Variants in TIAM2 observed in about 807,000 individuals in gnomAD.
The protein encoded by TIAM2 is rho guanine nucleotide exchange factor TIAM2.
TIAM2 carries 80 observed loss-of-function variants against 152.9 expected under a neutral mutation model. The observed-to-expected ratio is 0.52, with a 90% CI of 0.44 to 0.63. The LOEUF (loss-of-function observed/expected upper bound fraction) is 0.63. Among genes scored for constraint, TIAM2 ranks in the 30% least tolerant of loss-of-function variants. TIAM2 has a pLI of 0.00. For missense variants in TIAM2, 1,965 were observed against 2,120.1 expected (o/e 0.93, Z 1.44); for synonymous variants, 804 against 838.0 (o/e 0.96, Z 0.70).
intron 1 of TIAM2, among the ~76,000 whole-genome samples, chr6:155,039,174 T>A (rs1488824903): frequency 6.6e-6 from 1 of 151,702 alleles, no homozygotes; most frequent in Non-Finnish European, 1.5e-5. Context: ...TTGTCAAGGC[T>A]GGTCTTGAAC....
At chr6:155,026,744 G>A (rs1456622710) in intron 1 of TIAM2, among the ~76,000 whole-genome samples, 5 of 152,230 alleles carry the variant, frequency 3.3e-5, no homozygotes, top group Non-Finnish European at 7.3e-5. Flanking sequence ...TGAGGCTTCT[G>A]GTTTGATTGG....
intron 15 of TIAM2, among the ~76,000 whole-genome samples, chr6:155,228,198 C>A (rs191525886): frequency 2.6e-5 from 4 of 152,218 alleles, no homozygotes; most frequent in South Asian, 2.1e-4. Flanking sequence ...GGGATCTCCC[C>A]CTTCGAGTAT....
At chr6:155,064,219 C>T (rs867555705) in intron 1 of TIAM2, among the ~76,000 whole-genome samples, 7 of 152,114 alleles carry the variant, frequency 4.6e-5, no homozygotes, top group Non-Finnish European at 8.8e-5. Flanking sequence ...GATTACCTAC[C>T]AGATTTCCTA....
chr6:155,137,532 C>G lies in TIAM2; in HGVS notation c.1550C>G (p.Pro517Arg), dbSNP rs1465732050. ...VRKAGWLFFK[P>R]LVTVQKERKL... ...AAGGCCGGGTGGCTCTTCTTCAAGC[C>G]CCTGGTCACTGTGCAGAAGGAAAGG... The change falls in exon 5 of 27, where the codon CCC (proline) becomes CGC (arginine). Residue 517 changes from proline to arginine, a missense_variant. This residue lies in a region of TIAM2 where 1,025 missense variants were observed against 1,119.4 expected (regional missense o/e 0.92). Coordinates refer to ENST00000682666, the MANE Select transcript of TIAM2 (RefSeq NM_012454.4). 6.2e-7 allele frequency: 1 copy of G among 1,613,848 alleles called. No individual in the cohort carries two copies. The highest frequency in any genetic ancestry group is 8.5e-7 in the Non-Finnish European group (1 of 1,180,018).
chr6:154,999,923 C>T (rs1378481761), intron 1 of TIAM2, among the ~76,000 whole-genome samples: 2 of 150,878 alleles, frequency 1.3e-5, no homozygotes, highest in Non-Finnish European at 1.5e-5. Context: ...GTGATCCGCC[C>T]GCCTCGGCCT....
intron 2 of TIAM2, among the ~76,000 whole-genome samples, chr6:155,124,545 G>C (rs1282991047): frequency 6.6e-6 from 1 of 151,836 alleles, no homozygotes; most frequent in Non-Finnish European, 1.5e-5. Context: ...GATCAGGCTG[G>C]TCTCGAACTC....
intron 4 of TIAM2, among the ~76,000 whole-genome samples, chr6:155,130,626 A>G (rs1482486252): frequency 1.3e-5 from 2 of 152,230 alleles, no homozygotes; most frequent in Non-Finnish European, 2.9e-5. Context: ...TTAGCCCACA[A>G]CTTTAATCTT....
At chr6:155,114,036 A>ATTTTTTTTTTTTTT (rs869241399) in intron 2 of TIAM2, among the ~76,000 whole-genome samples, 12 of 34,902 alleles carry the variant, frequency 3.4e-4, no homozygotes, top group East Asian at 7.1e-4. Flanking sequence ...ATATATATAT[A>ATTTTTTTTTTTTTT]TTTTTTTTTT....
chr6:155,061,327 A>G (rs1777575742), intron 1 of TIAM2, among the ~76,000 whole-genome samples: 1 of 150,846 alleles, frequency 6.6e-6, no homozygotes, highest in Non-Finnish European at 1.5e-5. Context: ...CTCTAAATAC[A>G]CACATGTATC....
chr6:155,225,068 A>G (rs377000974), intron 15 of TIAM2, among the ~76,000 whole-genome samples: 2 of 152,110 alleles, frequency 1.3e-5, no homozygotes, highest in East Asian at 1.9e-4. Context: ...CAGTTCTCCC[A>G]CCTCAGCCTC....
At chr6:155,243,584 C>T (rs561403476) in intron 16 of TIAM2, among the ~76,000 whole-genome samples, 23 of 152,226 alleles carry the variant, frequency 1.5e-4, no homozygotes, top group Non-Finnish European at 2.8e-4. Flanking sequence ...TGGTGGCTCA[C>T]GCCTGTAATG....
At chr6:155,033,562 G>A (rs1237109994) in intron 1 of TIAM2, among the ~76,000 whole-genome samples, 8 of 152,026 alleles carry the variant, frequency 5.3e-5, no homozygotes, top group South Asian at 2.1e-4. Flanking sequence ...AAAGGAAGCC[G>A]TGCCAAGTAT....
At chr6:155,059,579 G>A (rs1368721069) in intron 1 of TIAM2, among the ~76,000 whole-genome samples, 1 of 152,038 alleles carries the variant, frequency 6.6e-6, no homozygotes. Flanking sequence ...GCCTCCCAAA[G>A]TGTTGGGATT....
chr6:155,164,133 G>GTGTTTTTTTTTTTT (rs1554236331), intron 7 of TIAM2, among the ~76,000 whole-genome samples: 6 of 118,004 alleles, frequency 5.1e-5, no homozygotes, highest in African/African-American at 5.9e-5. Context: ...TAATTTTTGT[G>GTGTTTTTTTTTTTT]TTTTTTTTTT....
chr6:155,146,901 G>T (rs192701130), intron 6 of TIAM2, among the ~76,000 whole-genome samples: 1 of 151,736 alleles, frequency 6.6e-6, no homozygotes, highest in Non-Finnish European at 1.5e-5. Context: ...GATTATAGGC[G>T]TGAGCCACCA....
At chr6:155,088,955 T>C (rs1167795072) in intron 1 of TIAM2, among the ~76,000 whole-genome samples, 1 of 152,212 alleles carries the variant, frequency 6.6e-6, no homozygotes, top group East Asian at 1.9e-4. Flanking sequence ...GACTGCATTC[T>C]GGGTTAAGGA....
chr6:155,158,604 G>C (rs1780180975), intron 7 of TIAM2, among the ~76,000 whole-genome samples: 1 of 151,414 alleles, frequency 6.6e-6, no homozygotes. Flanking sequence ...CCAGGCTGGA[G>C]TGTGCAGTGG....
At chr6:155,110,710 A>G (rs184802813) in intron 2 of TIAM2, among the ~76,000 whole-genome samples, 1 of 152,354 alleles carries the variant, frequency 6.6e-6, no homozygotes, top group Admixed American at 6.5e-5. Context: ...GGGAACAGAA[A>G]CACAGCAGAT....
chr6:155,256,401 A>C, intron 26 of TIAM2, 83 bp from the exon 27 acceptor site: 3 of 1,582,748 alleles, frequency 1.9e-6, no homozygotes, highest in South Asian at 2.3e-5. Flanking sequence ...TTAATGTTAA[A>C]TCTTACACAA....
Sources: gnomAD v4.1 joint callset for allele counts (sites outside exome capture counted in the v4.1 genomes callset) on GRCh38, gnomAD v4.1.1 for gene constraint, gnomAD v4.1.1 regional missense constraint, MANE v1.5 for transcripts, NCBI Gene and HGNC (gene_info 2026-07-23, HGNC 2026-07-21) for gene names.